Variants in IGSF10 observed in about 807,000 individuals in gnomAD.
IGSF10 encodes immunoglobulin superfamily member 10.
IGSF10 carries 126 observed loss-of-function variants against 128.2 expected under a neutral mutation model. The ratio of observed to expected loss-of-function variants is 0.98; its 90% CI spans 0.85 to 1.14. The LOEUF is 1.14. Ranked by LOEUF, IGSF10 falls within the 50% of genes most tolerant of loss-of-function variation. The probability of loss-of-function intolerance (pLI) is 0.00; values close to 1 mark genes in which losing one functional copy is unlikely to be tolerated. For synonymous variants in IGSF10, 1,185 were observed against 1,146.2 expected, an observed-to-expected ratio of 1.03 and a Z score of -0.68; for missense variants, 3,295 against 3,149.8, an observed-to-expected ratio of 1.05 and a Z score of -1.10.
At chr3:151,546,713 C>A in the IGSF10 span, among the ~76,000 whole-genome samples, 1 of 152,008 alleles carries the variant, frequency 6.6e-6, no homozygotes, top group African/African-American at 2.4e-5. Context: ...CCTCTGTGTC[C>A]CTCTTCCCCA....
intron 5 of IGSF10, among the ~76,000 whole-genome samples, 185 bp from the exon 6 acceptor site, chr3:151,449,450 C>A (rs1417465847): frequency 6.6e-6 from 1 of 152,202 alleles, no homozygotes; most frequent in African/African-American, 2.4e-5. Flanking sequence ...TACCCTGCTA[C>A]AACATAATAT....
At chr3:151,588,563 C>T in the IGSF10 span, among the ~76,000 whole-genome samples, 1 of 152,032 alleles carries the variant, frequency 6.6e-6, no homozygotes, top group Non-Finnish European at 1.5e-5. Flanking sequence ...GTTATGAGCT[C>T]CTATTAGGTG....
Position 151,458,678 on chromosome 3 carries a change from AAGC to A in IGSF10, c.29_31del (p.Cys10del). ...GCAGATCACAGCAAAGGAGACCAGC[AAGC>A]AGGTGATTCCTCTGCCTTTTACCTT... is the stretch of plus-strand genomic sequence containing the variant. On this transcript the variant is annotated inframe_deletion, in exon 3 of 8. Transcript: ENST00000282466. 6.2e-7 allele frequency: 1 copy of A among 1,613,968 alleles called. No individual in the cohort carries two copies. Among genetic ancestry groups the A allele is most frequent in the African/African-American group, 1.3e-5 (1 of 75,038 alleles).
the IGSF10 span, among the ~76,000 whole-genome samples, chr3:151,597,325 G>A: frequency 1.1e-4 from 17 of 152,266 alleles, no homozygotes; most frequent in East Asian, 1.7e-3. Flanking sequence ...TTAGTGCTAC[G>A]AAGGACAAAT....
the IGSF10 span, among the ~76,000 whole-genome samples, chr3:151,480,703 T>A: frequency 6.6e-6 from 1 of 151,732 alleles, no homozygotes; most frequent in Non-Finnish European, 1.5e-5. Context: ...GCTGCTGCTA[T>A]ACCCTGAGCT....
At chr3:151,512,550 G>T in the IGSF10 span, among the ~76,000 whole-genome samples, 5 of 152,068 alleles carry the variant, frequency 3.3e-5, no homozygotes, top group Non-Finnish European at 5.9e-5. Flanking sequence ...ACAATTAAAA[G>T]AACTAGAGAA....
At chr3:151,610,416 C>T in the IGSF10 span, among the ~76,000 whole-genome samples, 1 of 152,120 alleles carries the variant, frequency 6.6e-6, no homozygotes, top group African/African-American at 2.4e-5. Context: ...CTGTAGCTCA[C>T]ATGGGACAAA....
chr3:151,524,664 G>T, the IGSF10 span, among the ~76,000 whole-genome samples: 1 of 152,130 alleles, frequency 6.6e-6, no homozygotes, highest in Non-Finnish European at 1.5e-5. Flanking sequence ...GAACAGAGAA[G>T]ATAACTATTG....
At chr3:151,465,196 A>G (rs993547070), upstream of IGSF10, among the ~76,000 whole-genome samples, 2 of 152,244 alleles carry the variant, frequency 1.3e-5, no homozygotes, top group African/African-American at 4.8e-5. Flanking sequence ...GGAATAAAAG[A>G]GAGGATGGAT....
Position 151,453,728 on chromosome 3 carries a change from G to A in IGSF10, c.371C>T (p.Thr124Ile), listed in dbSNP as rs35953658. The change falls in exon 5 of 8, where the codon ACT becomes ATT. Residue 124 changes from threonine (T) to isoleucine (I), a missense_variant. Coordinates refer to ENST00000282466, the MANE Select transcript of IGSF10 (RefSeq NM_178822.5). ...YNKVRKLQKD[T>I]FYGLRSLTRL... is the part of the protein sequence containing the mutation. ...TGTCAAGCTCCTGAGGCCATAAAAA[G>A]TATCTTTCTGAAGTTTTCGGACTTT... 2.3e-3 allele frequency: 3,681 copies of A among 1,593,896 alleles called. 67 individuals carry two copies. The African/African-American group carries it at 0.043, about 19-fold the overall frequency.
At chr3:151,615,935 T>C in the IGSF10 span, among the ~76,000 whole-genome samples, 8 of 151,814 alleles carry the variant, frequency 5.3e-5, no homozygotes, top group Non-Finnish European at 1.2e-4. Context: ...ATTTTGTTTT[T>C]GTTTGTTTGG....
At chr3:151,514,193 G>A in the IGSF10 span, among the ~76,000 whole-genome samples, 122 of 152,204 alleles carry the variant, frequency 8.0e-4, no homozygotes, top group Non-Finnish European at 1.4e-3. Flanking sequence ...AACAAAGCTG[G>A]AGGCATCAAG....
At chr3:151,554,333 A>G in the IGSF10 span, among the ~76,000 whole-genome samples, 72,560 of 151,660 alleles carry the variant, frequency 0.48, 17,593 homozygotes, top group South Asian at 0.58. Context: ...ATATACTTTA[A>G]AAAAGTCAAT....
chr3:151,561,163 G>A, the IGSF10 span, among the ~76,000 whole-genome samples: 1,717 of 152,114 alleles, frequency 0.011, 11 homozygotes, highest in Non-Finnish European at 0.017. Flanking sequence ...TGACAGCCTC[G>A]AATCAGAACA....
chr3:151,458,447 T>A, intron 3 of IGSF10, 69 bp downstream of exon 3: 1 of 1,107,206 alleles, frequency 9.0e-7, no homozygotes, highest in Non-Finnish European at 1.3e-6. Context: ...AAGTCATAGA[T>A]GTTTGAGGGA....
chr3:151,443,775 G>T lies in IGSF10; in HGVS notation c.5172C>A (p.Ser1724=), dbSNP rs369558105. ...GGTCTGTGCCAAACAGATTGGATGCGGAACACAAGTACTGTCCGCGGTCCT... is the reference window on the plus strand; with the variant it reads ...GGTCTGTGCCAAACAGATTGGATGCTGAACACAAGTACTGTCCGCGGTCCT... ...EIQDRGQYLC[S]ASNLFGTDHL... The change falls in exon 7 of 8, where the codon TCC becomes TCA. Residue 1724 remains serine, a synonymous_variant. Coordinates refer to ENST00000282466, the MANE Select transcript of IGSF10 (RefSeq NM_178822.5). 2 of 1,614,118 alleles carry T rather than the reference G, an allele frequency of 1.2e-6. No individual in the cohort carries two copies.
chr3:151,603,592 G>A, the IGSF10 span, among the ~76,000 whole-genome samples: 7 of 152,246 alleles, frequency 4.6e-5, no homozygotes, highest in East Asian at 3.9e-4. Context: ...CCAATCAGAC[G>A]TATATATAGA....
Position 151,448,533 on chromosome 3 carries a change from A to C in IGSF10, c.1448T>G (p.Leu483Arg). ...TMISRDNNTK[L>R]EHTVLVGGTV... is the part of the protein sequence containing the mutation. ...TCCACCTACCAAGACAGTATGTTCC[A>C]GCTTAGTATTGTTATCCCTTGAAAT... Residue 483 changes from leucine (L) to arginine (R), a missense_variant, in exon 6 of 8, where the codon CTG (leucine) becomes CGG (arginine). Leu to Arg is a moderately radical substitution (Grantham distance 102). Coordinates refer to ENST00000282466, the MANE Select transcript of IGSF10 (RefSeq NM_178822.5). 1 of 1,614,230 alleles carries C rather than the reference A, an allele frequency of 6.2e-7. No individual in the cohort carries two copies. The highest frequency in any genetic ancestry group is 8.5e-7 in the Non-Finnish European group (1 of 1,180,040).
chr3:151,599,987 T>C, the IGSF10 span, among the ~76,000 whole-genome samples: 1 of 152,198 alleles, frequency 6.6e-6, no homozygotes, highest in Non-Finnish European at 1.5e-5. Context: ...GTTTGGAGAA[T>C]GCAGGAGTGT....
Sources: allele counts gnomAD v4.1 joint callset (sites outside exome capture counted in the v4.1 genomes callset), GRCh38; gene constraint gnomAD v4.1.1; transcripts MANE v1.5; gene names NCBI Gene and HGNC (gene_info 2026-07-23, HGNC 2026-07-21).